The following CDH22 variants were observed in gnomAD, a reference collection of about 807,000 sequenced individuals.
CDH22 encodes cadherin 22, also known as cadherin-22.
A neutral mutation model predicts 58.4 loss-of-function variants in CDH22; 30 were observed. That is an observed-to-expected ratio of 0.51 (90% CI 0.38 to 0.70). CDH22 has a LOEUF of 0.70. Among genes scored for constraint, CDH22 ranks in the 30% least tolerant of loss-of-function variants. The pLI is 0.00. For synonymous variants in CDH22, 513 were observed against 558.2 expected (o/e 0.92, Z 1.14); for missense variants, 1,014 against 1,233.9 (o/e 0.82, Z 2.67).
chr20:46,287,512 A>G (rs926453196), intron 1 of CDH22, among the ~76,000 whole-genome samples: 4 of 151,882 alleles, frequency 2.6e-5, no homozygotes, highest in Non-Finnish European at 5.9e-5. Context: ...AGCCAGGTGG[A>G]GGGAACAGCC....
In CDH22 at chr20:46,214,533, C is replaced by G. The variant is rs151058267; in HGVS notation, c.839-1345G>C. The stretch of plus-strand genomic sequence containing the variant: ...TGTGCAAGTCCCTTGGCCTGCCCTA[C>G]AAAACACTGCCTGGCCCCTTCTGGC... On this transcript the variant is annotated intron_variant, in intron 5 of 11. Coordinates refer to ENST00000537909, the MANE Select transcript of CDH22 (RefSeq NM_021248.3). Among the ~76,000 whole-genome samples the G allele has an allele frequency of 9.9e-5, 15 of 152,280 alleles. No homozygotes were observed. In the East Asian group the frequency reaches 2.9e-3, roughly 29 times the overall value.
chr20:46,241,739 C>A lies in CDH22; in HGVS notation c.256-482G>T, dbSNP rs1046011251. Among the ~76,000 whole-genome samples the A allele has an allele frequency of 2.6e-5, 4 of 152,186 alleles. No homozygotes were observed. The highest frequency in any genetic ancestry group is 5.9e-5 in the Non-Finnish European group (4 of 68,020). ...GAAAGCTTTTCTGGATCCTCAGTCTCCCCCTGCCCCCAGGATCTCTCGGTA... is the reference window on the plus strand; with the variant it reads ...GAAAGCTTTTCTGGATCCTCAGTCTACCCCTGCCCCCAGGATCTCTCGGTA... On this transcript the variant is annotated intron_variant, in intron 2 of 11. Transcript: ENST00000537909. The surrounding 1 kb of genome is among the most constrained non-coding windows in gnomAD (Gnocchi z 5.2).
chr20:46,187,382 T>C (rs1045875823), intron 8 of CDH22, among the ~76,000 whole-genome samples: 7 of 151,904 alleles, frequency 4.6e-5, no homozygotes, highest in African/African-American at 1.7e-4. Context: ...TCAACATAAC[T>C]ATGAGTACCA....
chr20:46,292,480 C>T (rs1018325385), intron 1 of CDH22, among the ~76,000 whole-genome samples: 2 of 152,180 alleles, frequency 1.3e-5, no homozygotes, highest in African/African-American at 4.8e-5. Context: ...CCTCTGTTTC[C>T]CCATCTGAAA....
At chr20:46,192,844 G>A (rs1359855681) in intron 8 of CDH22, among the ~76,000 whole-genome samples, 1 of 152,094 alleles carries the variant, frequency 6.6e-6, no homozygotes, top group Non-Finnish European at 1.5e-5. Context: ...CGAGCAGATG[G>A]GGGTGCTCCA....
intron 1 of CDH22, among the ~76,000 whole-genome samples, chr20:46,266,722 C>T (rs1483311588): frequency 1.3e-5 from 2 of 152,140 alleles, no homozygotes; most frequent in Non-Finnish European, 2.9e-5. Context: ...ACTGGGTGAC[C>T]TTGGGCAAGT....
chr20:46,190,767 C>A (rs1437081427), intron 8 of CDH22, among the ~76,000 whole-genome samples: 5 of 152,212 alleles, frequency 3.3e-5, no homozygotes, highest in Non-Finnish European at 7.3e-5. Context: ...TGGCCCGGTG[C>A]TTCCTCCTTG....
chr20:46,193,754 C>T (rs1220598874), intron 8 of CDH22, among the ~76,000 whole-genome samples: 2 of 152,204 alleles, frequency 1.3e-5, no homozygotes, highest in Non-Finnish European at 2.9e-5. Flanking sequence ...GGCCTTTGCA[C>T]ACAGGGGGCT....
In CDH22 at chr20:46,182,469, C is replaced by T. The variant is rs567780694; in HGVS notation, c.1663+4119G>A. ...AAATGAGCGGCTGGCTCCGGCTCAG[C>T]TTCAGATTGCCAAGCAAGAAGAGGG... is the stretch of plus-strand genomic sequence containing the variant. On this transcript the variant is annotated intron_variant, in intron 10 of 11. Coordinates refer to ENST00000537909, the MANE Select transcript of CDH22 (RefSeq NM_021248.3). Among the ~76,000 whole-genome samples the T allele has an allele frequency of 6.1e-3, 936 of 152,330 alleles. 7 individuals carry two copies. Among genetic ancestry groups the T allele is most frequent in the Non-Finnish European group, 0.011 (726 of 68,030 alleles).
intron 10 of CDH22, among the ~76,000 whole-genome samples, chr20:46,185,021 G>A (rs539609513): frequency 6.6e-6 from 1 of 152,162 alleles, no homozygotes; most frequent in African/African-American, 2.4e-5. Context: ...GGGAGGCAGA[G>A]GTTGCAGTGA....
chr20:46,193,552 A>G (rs2085876918), intron 8 of CDH22, among the ~76,000 whole-genome samples: 1 of 151,938 alleles, frequency 6.6e-6, no homozygotes. Context: ...CTGCTCAAAG[A>G]CCTGTGCTGG....
rs536366072 is a variant in CDH22, at chr20:46,210,861, G to A, written c.1033-301C>T. 2.2e-4 allele frequency among the ~76,000 whole-genome samples: 33 copies of A among 152,314 alleles called. No homozygotes were observed. The highest frequency in any genetic ancestry group is 1.6e-3 in the Admixed American group (25 of 15,304). ...GTTGGCGGCATATTTCATTAGTTTA[G>A]TTCACGAACACAAAGCACCTACTGT... On this transcript the variant is annotated intron_variant, in intron 6 of 11. Transcript: ENST00000537909. The surrounding 1 kb of genome is among the most constrained non-coding windows in gnomAD (Gnocchi z 4.5).
chr20:46,209,983 G>A (rs2145686285), intron 7 of CDH22: 2 of 286,232 alleles, frequency 7.0e-6, no homozygotes, highest in Non-Finnish European at 6.5e-6. Context: ...CGAGAGATCA[G>A]GGAGCCAGTG....
chr20:46,204,350 C>T (rs1050411495), intron 7 of CDH22, among the ~76,000 whole-genome samples: 3 of 140,576 alleles, frequency 2.1e-5, no homozygotes, highest in Non-Finnish European at 3.0e-5. Context: ...GCCAAGATCG[C>T]GCCATTGCAC....
At chr20:46,207,986 C>T (rs2086013078) in intron 7 of CDH22, among the ~76,000 whole-genome samples, 1 of 152,216 alleles carries the variant, frequency 6.6e-6, no homozygotes, top group East Asian at 1.9e-4. Context: ...ACTGCACAAT[C>T]CTGATAGAGC....
intron 4 of CDH22, among the ~76,000 whole-genome samples, chr20:46,222,614 C>T (rs925415907): frequency 1.3e-5 from 2 of 152,198 alleles, no homozygotes; most frequent in Non-Finnish European, 2.9e-5. Context: ...CCTCAGCTCC[C>T]GCAGCCTTGT....
At position 46,173,980 on chromosome 20, in the gene CDH22, C is replaced by T. The variant is rs1323354548; in HGVS notation, c.*526G>A. Reference sequence around the variant, plus strand: ...CCAGGTGCCCTTGGACGGGTCACAGCCACTTCTCTGGGGTCCTTTCCCCTT... The same window carrying T: ...CCAGGTGCCCTTGGACGGGTCACAGTCACTTCTCTGGGGTCCTTTCCCCTT... On this transcript the variant is annotated 3_prime_UTR_variant, in exon 12 of 12. Coordinates refer to ENST00000537909, the MANE Select transcript of CDH22 (RefSeq NM_021248.3). 6.5e-6 allele frequency: 1 copy of T among 153,318 alleles called. No individual in the cohort carries two copies. The highest frequency in any genetic ancestry group is 2.4e-5 in the African/African-American group (1 of 41,486). 9.5% of individuals were successfully genotyped at this position (153,318 alleles called of 1,614,324 possible).
Position 46,211,971 on chromosome 20 carries a change from G to A in CDH22, c.1032+1024C>T, listed in dbSNP as rs185140101. ...ATGAAGGGATCAAATGAGTTAATAC[G>A]CAGAAAGTAGTTGAAGGGTGCCTGG... On this transcript the variant is annotated intron_variant, in intron 6 of 11. Transcript: ENST00000537909. Among the ~76,000 whole-genome samples, 307 of 152,192 alleles carry A rather than the reference G, an allele frequency of 2.0e-3. 1 individual carries two copies. Among genetic ancestry groups the A allele is most frequent in the African/African-American group, 7.1e-3 (295 of 41,538 alleles).
chr20:46,180,254 C>A (rs539461294), intron 10 of CDH22, among the ~76,000 whole-genome samples: 1 of 152,202 alleles, frequency 6.6e-6, no homozygotes, highest in South Asian at 2.1e-4. Flanking sequence ...ACCCTGTCCC[C>A]GGAGCTTACA....
Sources: gnomAD v4.1 joint callset for allele counts (sites outside exome capture counted in the v4.1 genomes callset) on GRCh38, gnomAD v4.1.1 for gene constraint, Gnocchi (gnomAD v3.1) non-coding constraint, MANE v1.5 for transcripts, NCBI Gene and HGNC (gene_info 2026-07-23, HGNC 2026-07-21) for gene names.